USP32: variants seen among roughly 807,000 people sequenced by gnomAD.
The protein encoded by USP32 is ubiquitin carboxyl-terminal hydrolase 32.
USP32 carries 59 observed loss-of-function variants against 204.8 expected under a neutral mutation model. That is an observed-to-expected ratio of 0.29 (90% CI 0.23 to 0.36). The LOEUF is 0.36. Ranked by LOEUF, USP32 falls within the 10% of genes least tolerant of loss-of-function variation. USP32 has a pLI of 1.00. For missense variants in USP32, 1,160 were observed against 1,946.4 expected (o/e 0.60, Z 7.60); for synonymous variants, 517 against 678.4 (o/e 0.76, Z 3.70).
chr17:60,393,423 G>A (rs1265083037), upstream of USP32, among the ~76,000 whole-genome samples: 1 of 152,192 alleles, frequency 6.6e-6, no homozygotes, highest in Non-Finnish European at 1.5e-5. Flanking sequence ...CATAAATGGA[G>A]AAACCAAATG....
At chr17:60,283,850 A>C (rs1025759468) in intron 5 of USP32, among the ~76,000 whole-genome samples, 1 of 152,232 alleles carries the variant, frequency 6.6e-6, no homozygotes, top group African/African-American at 2.4e-5. Flanking sequence ...AAAGATAGGA[A>C]GGATAGGTGA....
chr17:60,383,209 A>T (rs188678327), intron 1 of USP32, among the ~76,000 whole-genome samples: 28 of 150,068 alleles, frequency 1.9e-4, no homozygotes, highest in Non-Finnish European at 3.7e-4. Flanking sequence ...GTCGCACTCC[A>T]GCCTGGGAAG....
At chr17:60,239,364 T>C (rs963129419) in intron 11 of USP32, among the ~76,000 whole-genome samples, 8 of 152,236 alleles carry the variant, frequency 5.3e-5, no homozygotes, top group Non-Finnish European at 7.3e-5. Flanking sequence ...TTTGAACGCG[T>C]AGGTTCACGT....
At position 60,178,086 on chromosome 17, in the gene USP32, G is replaced by A. The variant is rs1237297326; in HGVS notation, c.*1169C>T. 1.3e-5 allele frequency among the ~76,000 whole-genome samples: 2 copies of A among 151,904 alleles called. No homozygotes were observed. Among genetic ancestry groups the A allele is most frequent in the Non-Finnish European group, 2.9e-5 (2 of 67,982 alleles). On this transcript the variant is annotated 3_prime_UTR_variant, in exon 34 of 34. Transcript: ENST00000300896. The stretch of plus-strand genomic sequence containing the variant: ...TGACTACTGTAAAATTTAAAAAAAA[G>A]ACAAATATCAAAATAAAAAAATTAG...
intron 4 of USP32, among the ~76,000 whole-genome samples, chr17:60,293,019 C>T (rs1221949223): frequency 6.6e-6 from 1 of 152,138 alleles, no homozygotes; most frequent in Non-Finnish European, 1.5e-5. Context: ...GAAAAGTGGT[C>T]CTCCAGATAT....
chr17:60,303,969 C>A (rs73318879), intron 2 of USP32, among the ~76,000 whole-genome samples: 1 of 150,908 alleles, frequency 6.6e-6, no homozygotes, highest in African/African-American at 2.4e-5. Flanking sequence ...TGATATCCTA[C>A]AAAAAAAAGA....
chr17:60,384,876 G>C (rs1032232404), intron 1 of USP32, among the ~76,000 whole-genome samples: 1 of 152,060 alleles, frequency 6.6e-6, no homozygotes, highest in Non-Finnish European at 1.5e-5. Context: ...GGGAGGTGGA[G>C]GCGGGTGGAT....
At chr17:60,370,475 T>C (rs2089415126) in intron 1 of USP32, among the ~76,000 whole-genome samples, 1 of 152,106 alleles carries the variant, frequency 6.6e-6, no homozygotes. Context: ...AAAAAATTAT[T>C]TGAGGCTGGA....
In USP32 at chr17:60,226,168, T is replaced by C. The variant is rs1192097880; in HGVS notation, c.1303A>G (p.Thr435Ala). 1.3e-6 allele frequency: 2 copies of C among 1,596,662 alleles called. No individual in the cohort carries two copies. The highest frequency in any genetic ancestry group is 3.6e-5 in the Admixed American group (2 of 55,944). ...VLNGGKYSFG[T>A]AAHPMEQVED... is the part of the protein sequence containing the mutation. ...ACCTGCTCCATAGGATGGGCTGCAGTTCCAAATGAGTATTTTCCTCCATTC... is the reference window on the plus strand; with the variant it reads ...ACCTGCTCCATAGGATGGGCTGCAGCTCCAAATGAGTATTTTCCTCCATTC... Residue 435 changes from threonine to alanine, a missense_variant, in exon 13 of 34, where the codon ACT becomes GCT. Physicochemically the swap from Thr to Ala is moderately conservative, Grantham distance 58 (BLOSUM62 0). Transcript: ENST00000300896.
chr17:60,226,493 C>T (rs1373194335), intron 12 of USP32, among the ~76,000 whole-genome samples: 1 of 152,030 alleles, frequency 6.6e-6, no homozygotes, highest in African/African-American at 2.4e-5. Flanking sequence ...ATTCTGTTGG[C>T]AGCCATTTTT....
At chr17:60,186,007 T>A in intron 29 of USP32, 1 of 178,130 alleles carries the variant, frequency 5.6e-6, no homozygotes. Flanking sequence ...GAACTGTGAT[T>A]ACACCACTGC....
chr17:60,217,355 C>T lies in USP32; in HGVS notation c.1867+2315G>A, dbSNP rs147594374. Among the ~76,000 whole-genome samples the T allele has an allele frequency of 1.9e-3, 282 of 152,256 alleles. 2 individuals carry two copies. Among genetic ancestry groups the T allele is most frequent in the African/African-American group, 5.7e-3 (236 of 41,540 alleles). On this transcript the variant is annotated intron_variant, in intron 16 of 33. Transcript: ENST00000300896. ...CTGTTGCCCAGAATAGAGTGCATGG[C>T]GCGATCTCGGCTCACTGCAACCTCT...
At position 60,177,738 on chromosome 17, in the gene USP32, C is replaced by T. The variant is rs548930141; in HGVS notation, c.*1517G>A. 1.1e-4 allele frequency among the ~76,000 whole-genome samples: 16 copies of T among 152,166 alleles called. No individual in the cohort carries two copies. Among genetic ancestry groups the T allele is most frequent in the African/African-American group, 3.9e-4 (16 of 41,504 alleles). On this transcript the variant is annotated 3_prime_UTR_variant, in exon 34 of 34. Coordinates refer to ENST00000300896, the MANE Select transcript of USP32 (RefSeq NM_032582.4). The stretch of plus-strand genomic sequence containing the variant: ...CTGAAAAGGATTTCAATTTAGGTAG[C>T]CATTTAAGATAACCTTTCCAAATGC...
intron 23 of USP32, 143 bp from the exon 24 acceptor site, chr17:60,208,353 C>T: frequency 1.2e-6 from 1 of 805,504 alleles, no homozygotes. Context: ...AACACTAAAA[C>T]AGATGGTACT....
At chr17:60,324,795 GA>G (rs2088192988) in intron 2 of USP32, among the ~76,000 whole-genome samples, 1 of 151,568 alleles carries the variant, frequency 6.6e-6, no homozygotes. Context: ...CTGAGGTCGG[GA>G]GTTCGAGACC....
intron 1 of USP32, among the ~76,000 whole-genome samples, chr17:60,367,495 G>A (rs1404822306): frequency 6.6e-6 from 1 of 152,018 alleles, no homozygotes; most frequent in Non-Finnish European, 1.5e-5. Flanking sequence ...GCAACAGAAC[G>A]TGTCTCACAA....
chr17:60,259,667 T>C (rs576660962), intron 9 of USP32, among the ~76,000 whole-genome samples: 85 of 152,326 alleles, frequency 5.6e-4, no homozygotes, highest in African/African-American at 1.8e-3. Context: ...CCCATATTTG[T>C]TATTGTTAGT....
At chr17:60,381,708 C>A (rs1392115809) in intron 1 of USP32, among the ~76,000 whole-genome samples, 1 of 152,290 alleles carries the variant, frequency 6.6e-6, no homozygotes, top group East Asian at 1.9e-4. Flanking sequence ...TTGAAATGTT[C>A]TGCATTTCCA....
intron 2 of USP32, among the ~76,000 whole-genome samples, chr17:60,303,500 G>GA (rs2087639514): frequency 6.7e-6 from 1 of 149,438 alleles, no homozygotes; most frequent in African/African-American, 2.5e-5. Flanking sequence ...GCAAACATTA[G>GA]AAAAAACCTC....
Sources: allele counts gnomAD v4.1 joint callset (sites outside exome capture counted in the v4.1 genomes callset), GRCh38; gene constraint gnomAD v4.1.1; transcripts MANE v1.5; gene names NCBI Gene and HGNC (gene_info 2026-07-23, HGNC 2026-07-21).